RAB38: variants seen among roughly 807,000 people sequenced by gnomAD.
RAB38 encodes ras-related protein Rab-38.
In RAB38, 15 loss-of-function variants were observed where a neutral mutation model predicts 18.4. That is an observed-to-expected ratio of 0.82 (90% CI 0.55 to 1.26). The LOEUF is 1.26. RAB38 is among the 50% of genes most tolerant of loss of function. The pLI is 0.00. For missense variants in RAB38, 294 were observed against 267.4 expected, an observed-to-expected ratio of 1.10 and a Z score of -0.69; for synonymous variants, 101 against 104.4, an observed-to-expected ratio of 0.97 and a Z score of 0.20.
the RAB38 span, among the ~76,000 whole-genome samples, chr11:87,888,173 G>A: frequency 6.6e-6 from 1 of 151,928 alleles, no homozygotes; most frequent in African/African-American, 2.4e-5. Flanking sequence ...AAGACATCGA[G>A]TGACTGCAGT....
chr11:88,110,202 T>C (rs566732575), downstream of RAB38, among the ~76,000 whole-genome samples: 43 of 152,162 alleles, frequency 2.8e-4, 1 homozygote, highest in African/African-American at 9.9e-4. Context: ...AAAAGGATAG[T>C]TCATGTCCTT....
At chr11:87,883,494 G>T in the RAB38 span, among the ~76,000 whole-genome samples, 1 of 151,866 alleles carries the variant, frequency 6.6e-6, no homozygotes, top group African/African-American at 2.4e-5. Flanking sequence ...TGCATGAAAA[G>T]GATTATAAAT....
chr11:87,885,492 C>T, the RAB38 span, among the ~76,000 whole-genome samples: 4 of 152,108 alleles, frequency 2.6e-5, no homozygotes, highest in South Asian at 4.1e-4. Context: ...AGCCTAGGCA[C>T]GAAATGAGAG....
At chr11:87,927,632 A>T in the RAB38 span, among the ~76,000 whole-genome samples, 1 of 151,958 alleles carries the variant, frequency 6.6e-6, no homozygotes, top group Non-Finnish European at 1.5e-5. Context: ...TACTAGTATA[A>T]CTAGTATACT....
At chr11:87,839,199 A>C in the RAB38 span, among the ~76,000 whole-genome samples, 1 of 152,192 alleles carries the variant, frequency 6.6e-6, no homozygotes, top group Non-Finnish European at 1.5e-5. Flanking sequence ...GTTGCTTATA[A>C]ATGTGTTAAT....
intron 2 of RAB38, among the ~76,000 whole-genome samples, chr11:88,147,391 ACAGAGAAAAGGAGTTCTCAAAGTCCTAC>A (rs1412040422): frequency 5.0e-4 from 76 of 152,294 alleles, no homozygotes; most frequent in African/African-American, 1.8e-3. Context: ...AATGTAATCA[ACAGAGAAAAGGAGTTCTCAAAGTCCTAC>A]TCTGTCTCCC....
chr11:87,832,768 T>C, the RAB38 span, among the ~76,000 whole-genome samples: 1 of 139,014 alleles, frequency 7.2e-6, no homozygotes, highest in Admixed American at 7.3e-5. Flanking sequence ...TGGATCCACC[T>C]AGATCACTCA....
At chr11:88,121,960 G>A (rs548347398) in intron 2 of RAB38, among the ~76,000 whole-genome samples, 1 of 152,262 alleles carries the variant, frequency 6.6e-6, no homozygotes, top group Admixed American at 6.5e-5. Context: ...TTTCTAAATC[G>A]CAAAAGTTAC....
the RAB38 span, among the ~76,000 whole-genome samples, chr11:87,951,558 T>G: frequency 1.7e-3 from 255 of 152,246 alleles, 1 homozygote; most frequent in African/African-American, 6.0e-3. Flanking sequence ...ATGATGGTCA[T>G]GTACAGATGG....
the RAB38 span, among the ~76,000 whole-genome samples, chr11:87,953,135 A>C: frequency 6.6e-6 from 1 of 152,174 alleles, no homozygotes; most frequent in African/African-American, 2.4e-5. Flanking sequence ...GTGACCACCT[A>C]TGTGTTAGAC....
chr11:88,005,926 T>C, the RAB38 span, among the ~76,000 whole-genome samples: 1 of 151,616 alleles, frequency 6.6e-6, no homozygotes, highest in African/African-American at 2.4e-5. Flanking sequence ...TTGGGTTTAA[T>C]TCCAGTTTTA....
At chr11:87,900,706 A>AGGAAGG in the RAB38 span, among the ~76,000 whole-genome samples, 2 of 148,058 alleles carry the variant, frequency 1.4e-5, no homozygotes, top group African/African-American at 5.0e-5. Flanking sequence ...GAAGGAAGGA[A>AGGAAGG]AAAGGAAGAG....
At chr11:88,139,199 G>A (rs750585407) in intron 2 of RAB38, among the ~76,000 whole-genome samples, 4 of 152,154 alleles carry the variant, frequency 2.6e-5, no homozygotes, top group Non-Finnish European at 5.9e-5. Flanking sequence ...TTAGAAAAAT[G>A]ATGAGAAGCT....
the RAB38 span, among the ~76,000 whole-genome samples, chr11:87,845,485 G>A: frequency 6.6e-6 from 1 of 152,004 alleles, no homozygotes; most frequent in African/African-American, 2.4e-5. Flanking sequence ...AAAGCAAAAT[G>A]GATATGATAG....
chr11:87,836,452 C>G, the RAB38 span, among the ~76,000 whole-genome samples: 3 of 152,024 alleles, frequency 2.0e-5, no homozygotes, highest in Non-Finnish European at 4.4e-5. Flanking sequence ...GCTGTTGACT[C>G]AAATACCTAA....
the RAB38 span, among the ~76,000 whole-genome samples, chr11:88,021,898 A>C: frequency 6.6e-6 from 1 of 150,836 alleles, no homozygotes; most frequent in Non-Finnish European, 1.5e-5. Context: ...CAAATTCCTG[A>C]CCTAAAGTGA....
the RAB38 span, among the ~76,000 whole-genome samples, chr11:88,064,214 T>C: frequency 6.6e-6 from 1 of 151,996 alleles, no homozygotes; most frequent in African/African-American, 2.4e-5. Context: ...TGAGAGAGAG[T>C]ATAATAAAAA....
chr11:88,150,048 A>G, intron 1 of RAB38, 93 bp from the exon 2 acceptor site: 1 of 1,307,072 alleles, frequency 7.7e-7, no homozygotes. Flanking sequence ...GAGCAAGTCA[A>G]TCAGTAAAGT....
chr11:87,941,280 TG>T, the RAB38 span, among the ~76,000 whole-genome samples: 1 of 137,838 alleles, frequency 7.3e-6, no homozygotes, highest in East Asian at 2.3e-4. Context: ...AATACAGAAA[TG>T]GCCTGGTAGC....
Sources: gnomAD v4.1 joint callset for allele counts (sites outside exome capture counted in the v4.1 genomes callset) on GRCh38, gnomAD v4.1.1 for gene constraint, MANE v1.5 for transcripts, NCBI Gene and HGNC (gene_info 2026-07-23, HGNC 2026-07-21) for gene names.